Variants in CSRNP3 observed in about 807,000 individuals in gnomAD.
CSRNP3 encodes cysteine and serine rich nuclear protein 3.
CSRNP3 carries 12 observed loss-of-function variants against 48.0 expected under a neutral mutation model. That is an observed-to-expected ratio of 0.25 (90% CI 0.16 to 0.41). The LOEUF is 0.41. Among genes scored for constraint, CSRNP3 ranks in the 10% least tolerant of loss-of-function variants. The probability of loss-of-function intolerance (pLI) is 1.00; values close to 1 mark genes in which losing one functional copy is unlikely to be tolerated. For synonymous variants in CSRNP3, 263 were observed against 269.7 expected, an observed-to-expected ratio of 0.98 and a Z score of 0.24; for missense variants, 580 against 724.4, an observed-to-expected ratio of 0.80 and a Z score of 2.29.
At chr2:165,551,730 C>T (rs578143810) in intron 3 of CSRNP3, among the ~76,000 whole-genome samples, 44 of 151,896 alleles carry the variant, frequency 2.9e-4, no homozygotes, top group African/African-American at 1.0e-3. Context: ...ATGGCTATAC[C>T]GTGAAACCTT....
chr2:165,499,783 T>G (rs1484968563), intron 2 of CSRNP3, among the ~76,000 whole-genome samples: 1 of 151,940 alleles, frequency 6.6e-6, no homozygotes, highest in East Asian at 1.9e-4. Context: ...CATAAAAACT[T>G]GGAAAAACAT....
intron 4 of CSRNP3, among the ~76,000 whole-genome samples, chr2:165,606,200 T>C (rs1260509093): frequency 4.0e-5 from 6 of 151,790 alleles, no homozygotes; most frequent in African/African-American, 1.4e-4. Flanking sequence ...AAAATTATTA[T>C]GTATTTGGGT....
intron 1 of CSRNP3, among the ~76,000 whole-genome samples, chr2:165,471,989 G>A (rs1683901185): frequency 6.6e-6 from 1 of 151,488 alleles, no homozygotes; most frequent in African/African-American, 2.4e-5. Flanking sequence ...TTTTTCCTTT[G>A]GTACAAACAT....
chr2:165,482,955 C>A (rs1455994143), intron 1 of CSRNP3, among the ~76,000 whole-genome samples: 1 of 151,956 alleles, frequency 6.6e-6, no homozygotes, highest in Non-Finnish European at 1.5e-5. Context: ...TCAACCTAAG[C>A]CCATGATTAT....
intron 3 of CSRNP3, among the ~76,000 whole-genome samples, chr2:165,547,048 T>C (rs1213588245): frequency 6.6e-6 from 1 of 152,218 alleles, no homozygotes; most frequent in East Asian, 1.9e-4. Context: ...TCTTAATTGA[T>C]AACCACTGTC....
intron 3 of CSRNP3, among the ~76,000 whole-genome samples, chr2:165,586,574 G>A (rs1200284206): frequency 6.6e-6 from 1 of 152,086 alleles, no homozygotes; most frequent in African/African-American, 2.4e-5. Context: ...ACCCTAAGAG[G>A]TTCTTCTGCA....
chr2:165,628,974 CTT>C (rs1686486631), intron 4 of CSRNP3, among the ~76,000 whole-genome samples: 1 of 152,152 alleles, frequency 6.6e-6, no homozygotes, highest in South Asian at 2.1e-4. Flanking sequence ...TTAAACAAGT[CTT>C]TCAGGTGGTA....
chr2:165,481,286 A>G (rs1415355850), intron 1 of CSRNP3, among the ~76,000 whole-genome samples: 2 of 152,092 alleles, frequency 1.3e-5, no homozygotes, highest in African/African-American at 4.8e-5. Flanking sequence ...TGTGAGGTAG[A>G]CTCTTGGCAA....
rs563995173 is a variant in CSRNP3, at chr2:165,676,497, A to G, written c.594A>G (p.Glu198=). Residue 198 remains glutamate, a synonymous_variant, in exon 6 of 7, where the codon GAA becomes GAG. Transcript: ENST00000651982. ...ASGVKKIDVE[E]KHELRAIRLS... ...GAGTGAAAAAGATTGACGTGGAAGA[A>G]AAGCACGAACTCCGAGCCATCCGCC... The G allele has an allele frequency of 6.2e-7, 1 of 1,614,184 alleles. No homozygotes were observed. Among genetic ancestry groups the G allele is most frequent in the Non-Finnish European group, 8.5e-7 (1 of 1,180,004 alleles).
intron 3 of CSRNP3, among the ~76,000 whole-genome samples, chr2:165,592,851 G>A (rs533549719): frequency 6.9e-6 from 1 of 144,086 alleles, no homozygotes; most frequent in Non-Finnish European, 1.5e-5. Flanking sequence ...GCCCAGGCTG[G>A]AGTGCAGTGG....
At chr2:165,658,794 T>G (rs1687050470) in intron 5 of CSRNP3, among the ~76,000 whole-genome samples, 1 of 152,132 alleles carries the variant, frequency 6.6e-6, no homozygotes, top group Non-Finnish European at 1.5e-5. Context: ...ATCACTACCA[T>G]GAGAACGCTA....
At chr2:165,614,320 A>G (rs1027815906) in intron 4 of CSRNP3, among the ~76,000 whole-genome samples, 3 of 152,152 alleles carry the variant, frequency 2.0e-5, no homozygotes, top group Non-Finnish European at 4.4e-5. Context: ...TATCAGTTCT[A>G]ACATCTTTTT....
intron 4 of CSRNP3, among the ~76,000 whole-genome samples, chr2:165,629,673 C>G (rs1686499751): frequency 6.6e-6 from 1 of 152,158 alleles, no homozygotes; most frequent in African/African-American, 2.4e-5. Context: ...ATGAAATATT[C>G]TACCAAGTGA....
chr2:165,486,284 G>A (rs368970968), intron 1 of CSRNP3, among the ~76,000 whole-genome samples: 6 of 152,046 alleles, frequency 3.9e-5, no homozygotes, highest in African/African-American at 9.7e-5. Flanking sequence ...CACCTGGCTC[G>A]GAGGGTCCTA....
chr2:165,686,831 A>C lies in CSRNP3; in HGVS notation c.*7078A>C, dbSNP rs1687638391. 6.6e-6 allele frequency: 1 copy of C among 152,092 alleles called. No individual in the cohort carries two copies. Among genetic ancestry groups the C allele is most frequent in the African/African-American group, 2.4e-5 (1 of 41,432 alleles). The allele number at this position is 152,092 out of a possible 1,614,324, so 9.4% of individuals were successfully genotyped here. A position where few individuals can be genotyped will look rare whatever the true frequency, so the allele number is the denominator to read the frequency against. On this transcript the variant is annotated 3_prime_UTR_variant, in exon 7 of 7. Coordinates refer to ENST00000651982, the MANE Select transcript of CSRNP3 (RefSeq NM_001172173.2). Reference sequence around the variant, plus strand: ...TAGTTTAATCTTTTCAAAGATACTCACAATGGCCAACTGTGTGTGAATACT... The same window carrying C: ...TAGTTTAATCTTTTCAAAGATACTCCCAATGGCCAACTGTGTGTGAATACT...
intron 3 of CSRNP3, among the ~76,000 whole-genome samples, chr2:165,535,498 A>G (rs1684870544): frequency 6.6e-6 from 1 of 151,880 alleles, no homozygotes; most frequent in African/African-American, 2.4e-5. Context: ...CTTGTAGACC[A>G]TTTAGTCTAC....
intron 4 of CSRNP3, among the ~76,000 whole-genome samples, chr2:165,601,477 G>C (rs925765695): frequency 5.9e-5 from 9 of 152,084 alleles, no homozygotes; most frequent in South Asian, 4.1e-4. Flanking sequence ...ATAGAATTAA[G>C]ATTTTTTTTA....
intron 4 of CSRNP3, among the ~76,000 whole-genome samples, chr2:165,645,430 A>G (rs532181542): frequency 6.6e-6 from 1 of 152,234 alleles, no homozygotes; most frequent in African/African-American, 2.4e-5. Context: ...ATGCTCCACT[A>G]TCTGATACCA....
intron 3 of CSRNP3, among the ~76,000 whole-genome samples, chr2:165,551,327 C>T (rs761525760): frequency 1.3e-5 from 2 of 152,158 alleles, no homozygotes; most frequent in African/African-American, 2.4e-5. Context: ...AAGTTTCCTT[C>T]GCACCTTATT....
Sources: allele counts gnomAD v4.1 joint callset (sites outside exome capture counted in the v4.1 genomes callset), GRCh38; gene constraint gnomAD v4.1.1; transcripts MANE v1.5; gene names NCBI Gene and HGNC (gene_info 2026-07-23, HGNC 2026-07-21).